PKP2: variants seen among roughly 807,000 people sequenced by gnomAD.
The protein encoded by PKP2 is plakophilin 2.
In PKP2, 73 loss-of-function variants were observed where a neutral mutation model predicts 83.4. The ratio of observed to expected loss-of-function variants is 0.88; its 90% CI spans 0.72 to 1.06. The LOEUF (loss-of-function observed/expected upper bound fraction) is 1.06, where lower values mean the gene tolerates loss of function less well. Among genes scored for constraint, PKP2 ranks in the 50% least tolerant of loss-of-function variants. PKP2 has a pLI of 0.00. For synonymous variants in PKP2, 409 were observed against 430.4 expected (o/e 0.95, Z 0.62); for missense variants, 966 against 1,065.4 (o/e 0.91, Z 1.30).
chr12:32,825,970 C>T (rs1049645589), intron 6 of PKP2, among the ~76,000 whole-genome samples: 2 of 152,070 alleles, frequency 1.3e-5, no homozygotes, highest in African/African-American at 4.8e-5. Flanking sequence ...GCTTTCAGTG[C>T]ATATTTGTCA....
intron 10 of PKP2, among the ~76,000 whole-genome samples, chr12:32,801,574 A>AT (rs1181141318): frequency 6.6e-6 from 1 of 152,196 alleles, no homozygotes; most frequent in African/African-American, 2.4e-5. Flanking sequence ...CTGGGGCTAT[A>AT]TATGTGCATA....
intron 1 of PKP2, among the ~76,000 whole-genome samples, chr12:32,885,679 A>G (rs1254248989): frequency 6.6e-6 from 1 of 151,954 alleles, no homozygotes; most frequent in Non-Finnish European, 1.5e-5. Context: ...CAAAAAAAAA[A>G]CTAAGTTGAT....
chr12:32,837,891 C>A (rs995496020), intron 6 of PKP2, among the ~76,000 whole-genome samples: 2 of 152,136 alleles, frequency 1.3e-5, no homozygotes, highest in African/African-American at 4.8e-5. Flanking sequence ...TCCATACTAG[C>A]TAATTTTGCT....
chr12:32,802,939 G>A (rs1193107070), intron 9 of PKP2, among the ~76,000 whole-genome samples: 2 of 151,978 alleles, frequency 1.3e-5, no homozygotes, highest in Non-Finnish European at 2.9e-5. Flanking sequence ...GATTACAGGC[G>A]TGAACCACCA....
intron 9 of PKP2, among the ~76,000 whole-genome samples, chr12:32,813,916 A>G (rs888526439): frequency 1.3e-5 from 2 of 152,130 alleles, no homozygotes; most frequent in African/African-American, 4.8e-5. Flanking sequence ...TTTAATTACT[A>G]TTTTCTAATG....
intron 4 of PKP2, 39 bp from the exon 5 acceptor site, chr12:32,851,012 T>C (rs899613551): frequency 6.5e-7 from 1 of 1,535,974 alleles, no homozygotes; most frequent in Non-Finnish European, 9.0e-7. Context: ...ATATTAATTT[T>C]GATGTGGCAT....
intron 6 of PKP2, chr12:32,824,483 A>C (rs1956414571): frequency 2.8e-6 from 1 of 358,702 alleles, no homozygotes; most frequent in Non-Finnish European, 5.3e-6. Flanking sequence ...CAACTAGAAC[A>C]AGAGCAAATG....
chr12:32,872,677 GC>G (rs1956904656), intron 3 of PKP2, among the ~76,000 whole-genome samples: 1 of 152,088 alleles, frequency 6.6e-6, no homozygotes, highest in Non-Finnish European at 1.5e-5. Flanking sequence ...TGAAGGCAAA[GC>G]AAACATAAAA....
intron 9 of PKP2, among the ~76,000 whole-genome samples, chr12:32,811,926 C>T (rs762481935): frequency 6.6e-6 from 1 of 152,122 alleles, no homozygotes; most frequent in African/African-American, 2.4e-5. Context: ...AGAGAGTAAG[C>T]AACCAAACAC....
At chr12:32,867,395 A>T (rs1956859382) in intron 4 of PKP2, among the ~76,000 whole-genome samples, 1 of 152,166 alleles carries the variant, frequency 6.6e-6, no homozygotes, top group Non-Finnish European at 1.5e-5. Context: ...GGCTGGAGGG[A>T]TTATATGGAT....
At chr12:32,862,953 C>A (rs540910429) in intron 4 of PKP2, among the ~76,000 whole-genome samples, 1 of 152,064 alleles carries the variant, frequency 6.6e-6, no homozygotes, top group Non-Finnish European at 1.5e-5. Flanking sequence ...GAGCTAAGAT[C>A]GCGCCACTGC....
At chr12:32,870,034 C>A (rs929523130) in intron 3 of PKP2, among the ~76,000 whole-genome samples, 1 of 152,042 alleles carries the variant, frequency 6.6e-6, no homozygotes, top group Non-Finnish European at 1.5e-5. Flanking sequence ...GTTTCAAAAA[C>A]AAACAAACAA....
At chr12:32,866,210 G>C (rs1565595210) in intron 4 of PKP2, among the ~76,000 whole-genome samples, 1 of 152,010 alleles carries the variant, frequency 6.6e-6, no homozygotes, top group Non-Finnish European at 1.5e-5. Context: ...CAAAAGAATT[G>C]AATACACATT....
chr12:32,821,329 A>C, intron 9 of PKP2, 27 bp downstream of exon 9: 1 of 1,599,132 alleles, frequency 6.3e-7, no homozygotes, highest in South Asian at 1.1e-5. Context: ...TTATTTTAAA[A>C]AGTAGGAAAT....
intron 9 of PKP2, among the ~76,000 whole-genome samples, chr12:32,814,371 C>A (rs1468805036): frequency 2.0e-5 from 3 of 152,130 alleles, no homozygotes; most frequent in South Asian, 4.2e-4. Context: ...ATCAGCCACT[C>A]ACTTCCATGG....
chr12:32,801,916 T>A (rs79644877), intron 10 of PKP2, among the ~76,000 whole-genome samples: 1,735 of 152,326 alleles, frequency 0.011, 29 homozygotes, highest in African/African-American at 0.037. Flanking sequence ...TGTCTTTTTA[T>A]TGTGATTATC....
At chr12:32,886,034 A>C (rs1957026881) in intron 1 of PKP2, among the ~76,000 whole-genome samples, 1 of 152,226 alleles carries the variant, frequency 6.6e-6, no homozygotes, top group African/African-American at 2.4e-5. Flanking sequence ...ATACATGTAG[A>C]GGTGCCCACA....
chr12:32,868,827 T>C, intron 4 of PKP2, 100 bp downstream of exon 4: 4 of 1,380,622 alleles, frequency 2.9e-6, no homozygotes, highest in Non-Finnish European at 4.1e-6. Flanking sequence ...CGGTCCCAAT[T>C]TTTAAAAATT....
chr12:32,799,628 T>C (rs1401878204), intron 10 of PKP2, among the ~76,000 whole-genome samples: 4 of 152,212 alleles, frequency 2.6e-5, no homozygotes, highest in Admixed American at 2.6e-4. Flanking sequence ...ATAATGGCCT[T>C]TGCGGCAAAT....
Sources: allele counts gnomAD v4.1 joint callset (sites outside exome capture counted in the v4.1 genomes callset), GRCh38; gene constraint gnomAD v4.1.1; transcripts MANE v1.5; gene names NCBI Gene and HGNC (gene_info 2026-07-23, HGNC 2026-07-21).